Variants in PIK3C2A observed in about 807,000 individuals in gnomAD.
The protein encoded by PIK3C2A is phosphatidylinositol 4-phosphate 3-kinase C2 domain-containing subunit alpha.
PIK3C2A carries 97 observed loss-of-function variants against 204.5 expected under a neutral mutation model. That is an observed-to-expected ratio of 0.47 (90% CI 0.40 to 0.56). PIK3C2A has a LOEUF of 0.56. Ranked by LOEUF, PIK3C2A falls within the 20% of genes least tolerant of loss-of-function variation. PIK3C2A has a pLI of 0.00. For missense variants in PIK3C2A, 1,735 were observed against 1,969.2 expected (o/e 0.88, Z 2.25); for synonymous variants, 653 against 664.4 (o/e 0.98, Z 0.26).
At chr11:17,197,014 C>G (rs1852184862) in intron 1 of PIK3C2A, among the ~76,000 whole-genome samples, 1 of 151,942 alleles carries the variant, frequency 6.6e-6, no homozygotes, top group African/African-American at 2.4e-5. Context: ...AATAGGTGAG[C>G]CTGGCCAGGC....
chr11:17,155,670 C>T (rs758567774), intron 2 of PIK3C2A, 41 bp from the exon 3 acceptor site: 2 of 1,140,542 alleles, frequency 1.8e-6, no homozygotes, highest in Non-Finnish European at 2.7e-6. Flanking sequence ...AGTGGAAGAT[C>T]CACAAAATGC....
rs764313789 is a variant in PIK3C2A, at chr11:17,182,982, G to A, written c.-65-13176C>T. Among the ~76,000 whole-genome samples, 5 of 152,098 alleles carry A rather than the reference G, an allele frequency of 3.3e-5. No individual in the cohort carries two copies. The East Asian group carries it at 9.6e-4, about 29-fold the overall frequency. On this transcript the variant is annotated intron_variant, in intron 1 of 32. Coordinates refer to ENST00000691414, the MANE Select transcript of PIK3C2A (RefSeq NM_002645.4). ...AGTCTCCAGAGTAGCTGGAACTACA[G>A]GTATGCATCACTATACCTGGCTAAG... is the stretch of plus-strand genomic sequence containing the variant.
At chr11:17,179,539 T>C (rs1851463323) in intron 1 of PIK3C2A, among the ~76,000 whole-genome samples, 1 of 152,166 alleles carries the variant, frequency 6.6e-6, no homozygotes, top group Non-Finnish European at 1.5e-5. Context: ...ATTACCTTAA[T>C]ATTCTAGATT....
chr11:17,202,042 G>A (rs1852405694), intron 1 of PIK3C2A, among the ~76,000 whole-genome samples: 1 of 151,928 alleles, frequency 6.6e-6, no homozygotes, highest in South Asian at 2.1e-4. Context: ...GATCGCCTTA[G>A]GTCAGGAGTT....
intron 1 of PIK3C2A, among the ~76,000 whole-genome samples, chr11:17,201,539 AAAAAG>A (rs1307328189): frequency 4.7e-4 from 15 of 32,052 alleles, no homozygotes; most frequent in African/African-American, 1.7e-3. Flanking sequence ...AAAAAAAAAA[AAAAAG>A]AAAAAAGAAA....
intron 12 of PIK3C2A, 109 bp from the exon 13 acceptor site, chr11:17,129,576 A>G: frequency 1.4e-6 from 1 of 710,762 alleles, no homozygotes; most frequent in Non-Finnish European, 2.3e-6. Flanking sequence ...CTTTCAAATA[A>G]TCTTTATTTT....
chr11:17,112,501 G>A, intron 21 of PIK3C2A, 73 bp downstream of exon 21: 1 of 676,824 alleles, frequency 1.5e-6, no homozygotes, highest in South Asian at 1.9e-5. Context: ...AATCACCTTT[G>A]CAATTTTGGG....
intron 1 of PIK3C2A, among the ~76,000 whole-genome samples, chr11:17,191,962 G>A (rs1425405297): frequency 1.4e-5 from 2 of 147,404 alleles, no homozygotes; most frequent in Middle Eastern, 3.2e-3. Context: ...AGGAAACCCT[G>A]CTTCTACTAA....
intron 1 of PIK3C2A, among the ~76,000 whole-genome samples, chr11:17,183,980 C>G (rs1236754362): frequency 6.6e-6 from 1 of 151,444 alleles, no homozygotes; most frequent in Admixed American, 6.6e-5. Context: ...GTGGCACATG[C>G]CTGCAATTCT....
intron 2 of PIK3C2A, among the ~76,000 whole-genome samples, chr11:17,161,779 A>C (rs1394779177): frequency 6.6e-6 from 1 of 152,210 alleles, no homozygotes; most frequent in Non-Finnish European, 1.5e-5. Flanking sequence ...TAAGCATGTG[A>C]AGTAATTATA....
At chr11:17,156,810 A>G (rs1850608330) in intron 2 of PIK3C2A, among the ~76,000 whole-genome samples, 1 of 152,160 alleles carries the variant, frequency 6.6e-6, no homozygotes, top group Non-Finnish European at 1.5e-5. Flanking sequence ...AAAAGTAACA[A>G]GTCTCCTGGG....
intron 1 of PIK3C2A, among the ~76,000 whole-genome samples, chr11:17,176,003 ATTT>A (rs57197496): frequency 7.0e-6 from 1 of 143,860 alleles, no homozygotes; most frequent in African/African-American, 2.6e-5. Context: ...CATGGAACTG[ATTT>A]TTTTTTTTTT....
chr11:17,178,715 T>A lies in PIK3C2A; in HGVS notation c.-65-8909A>T, dbSNP rs1200894732. Among the ~76,000 whole-genome samples, 22 of 26,506 alleles carry A rather than the reference T, an allele frequency of 8.3e-4. 5 individuals are homozygous for A. Among genetic ancestry groups the A allele is most frequent in the African/African-American group, 2.7e-3 (16 of 5,834 alleles). The allele number at this position is 26,506 out of a possible 152,430, so 17.4% of individuals were successfully genotyped here. ...CACCACACCTGGTTGATTTTTGAAT[T>A]TTTTTTTTTTTTTTTTTTTTTTTTT... On this transcript the variant is annotated intron_variant, in intron 1 of 32. Transcript: ENST00000691414.
In PIK3C2A at chr11:17,122,576, G is replaced by T. The variant is rs1590932745; in HGVS notation, c.2511+126C>A. On this transcript the variant is annotated intron_variant, in intron 14 of 32. Transcript: ENST00000691414. ...CAGAAATATTGATATTAAAATAGAAGATAGATCCTGAGACTAAAACAAGAT... is the reference window on the plus strand; with the variant it reads ...CAGAAATATTGATATTAAAATAGAATATAGATCCTGAGACTAAAACAAGAT... 26 of 644,662 alleles carry T rather than the reference G, an allele frequency of 4.0e-5. No homozygotes were observed. The East Asian group carries it at 7.3e-4, about 18-fold the overall frequency. 39.9% of individuals were successfully genotyped at this position (644,662 alleles called of 1,614,324 possible).
chr11:17,115,302 A>T (rs185395402), intron 19 of PIK3C2A, among the ~76,000 whole-genome samples: 1 of 151,524 alleles, frequency 6.6e-6, no homozygotes. Context: ...GGAGGCCAAA[A>T]TGGGAGGACT....
intron 1 of PIK3C2A, chr11:17,194,106 T>C: frequency 4.9e-6 from 3 of 612,584 alleles, no homozygotes; most frequent in Non-Finnish European, 7.2e-6. Context: ...CCAAAGGGTG[T>C]CAGCAGCAAG....
At chr11:17,156,279 C>T (rs1850586942) in intron 2 of PIK3C2A, among the ~76,000 whole-genome samples, 1 of 152,158 alleles carries the variant, frequency 6.6e-6, no homozygotes, top group Non-Finnish European at 1.5e-5. Flanking sequence ...TATAAATTCC[C>T]TTTAAAATTA....
intron 3 of PIK3C2A, among the ~76,000 whole-genome samples, chr11:17,152,430 T>G (rs1314209521): frequency 6.6e-6 from 1 of 152,086 alleles, no homozygotes; most frequent in African/African-American, 2.4e-5. Flanking sequence ...GGTTTTTTTG[T>G]GGGGTTTTTT....
At position 17,176,977 on chromosome 11, in the gene PIK3C2A, G is replaced by C. The variant is rs367938638; in HGVS notation, c.-65-7171C>G. Reference sequence around the variant, plus strand: ...TAATCCTCACAAATTTTATAAAGTAGCTATTAGTATCCCTAGTATACAAAT... The same window carrying C: ...TAATCCTCACAAATTTTATAAAGTACCTATTAGTATCCCTAGTATACAAAT... On this transcript the variant is annotated intron_variant, in intron 1 of 32. Coordinates refer to ENST00000691414, the MANE Select transcript of PIK3C2A (RefSeq NM_002645.4). Among the ~76,000 whole-genome samples the C allele has an allele frequency of 4.6e-5, 7 of 152,086 alleles. No homozygotes were observed. In the South Asian group the frequency reaches 8.3e-4, roughly 18 times the overall value.
Sources: gnomAD v4.1 joint callset for allele counts (sites outside exome capture counted in the v4.1 genomes callset) on GRCh38, gnomAD v4.1.1 for gene constraint, MANE v1.5 for transcripts, NCBI Gene and HGNC (gene_info 2026-07-23, HGNC 2026-07-21) for gene names.